Variants in SNX5 observed in about 807,000 individuals in gnomAD.
The protein encoded by SNX5 is sorting nexin-5.
SNX5 carries 31 observed loss-of-function variants against 53.9 expected under a neutral mutation model. That is an observed-to-expected ratio of 0.58 (90% CI 0.43 to 0.78). The LOEUF (loss-of-function observed/expected upper bound fraction) is 0.78, where lower values mean the gene tolerates loss of function less well. Among genes scored for constraint, SNX5 ranks in the 30% least tolerant of loss-of-function variants. The probability of loss-of-function intolerance (pLI) is 0.00; values close to 1 mark genes in which losing one functional copy is unlikely to be tolerated. For missense variants in SNX5, 471 were observed against 478.8 expected (o/e 0.98, Z 0.15); for synonymous variants, 168 against 171.1 (o/e 0.98, Z 0.14).
At chr20:17,960,306 CAAA>C (rs1164369041) in intron 1 of SNX5, among the ~76,000 whole-genome samples, 1 of 151,834 alleles carries the variant, frequency 6.6e-6, no homozygotes, top group Non-Finnish European at 1.5e-5. Context: ...ACTAAAAATA[CAAA>C]AAGTGGCCAG....
At chr20:17,952,427 A>T (rs2039583281) in intron 5 of SNX5, among the ~76,000 whole-genome samples, 160 bp downstream of exon 5, 1 of 152,220 alleles carries the variant, frequency 6.6e-6, no homozygotes, top group Admixed American at 6.5e-5. Context: ...CTTTAAGCAG[A>T]GTTTTACAAA....
At chr20:17,954,579 G>A (rs1292759368) in intron 3 of SNX5, among the ~76,000 whole-genome samples, 1 of 152,168 alleles carries the variant, frequency 6.6e-6, no homozygotes, top group African/African-American at 2.4e-5. Context: ...TAATGATTAA[G>A]CAATCATCAT....
At chr20:17,960,111 G>A (rs16978638) in intron 1 of SNX5, among the ~76,000 whole-genome samples, 4,418 of 152,194 alleles carry the variant, frequency 0.029, 209 homozygotes, top group African/African-American at 0.1. Flanking sequence ...GATCCCTTAG[G>A]TCACTTGTAA....
At position 17,948,941 on chromosome 20, in the gene SNX5, C is replaced by T. The variant is rs115502408; in HGVS notation, c.867G>A (p.Leu289=). The change falls in exon 10 of 13, where the codon TTG becomes TTA. Residue 289 remains leucine, a synonymous_variant. Transcript: ENST00000377759. The stretch of plus-strand genomic sequence containing the variant: ...AGTATCGGAGGAGCTCTGTTAGCTT[C>T]AAATCTTCATCTGATGAAACTCGAC... ...VEGRVSSDED[L]KLTELLRYYM... The T allele has an allele frequency of 7.9e-4, 1,276 of 1,612,398 alleles. 3 individuals carry two copies. The highest frequency in any genetic ancestry group is 8.0e-4 in the Non-Finnish European group (940 of 1,179,876).
intron 1 of SNX5, chr20:17,962,916 A>G: frequency 1.9e-6 from 1 of 518,716 alleles, no homozygotes. Context: ...CAGCGCACTC[A>G]GCGAATGGAT....
At chr20:17,953,943 G>A in intron 4 of SNX5, 53 bp downstream of exon 4, 3 of 1,459,274 alleles carry the variant, frequency 2.1e-6, no homozygotes, top group Non-Finnish European at 1.9e-6. Flanking sequence ...TTTGTACACA[G>A]CACCACTTTT....
intron 6 of SNX5, among the ~76,000 whole-genome samples, chr20:17,950,754 T>A (rs2039555433): frequency 2.0e-5 from 3 of 152,224 alleles, no homozygotes; most frequent in South Asian, 4.1e-4. Context: ...TCGATTGGTT[T>A]CAGACTGGGA....
Position 17,941,633 on chromosome 20 carries a change from A to T in SNX5, c.*724T>A, listed in dbSNP as rs1399312343. On this transcript the variant is annotated 3_prime_UTR_variant, in exon 13 of 13. Transcript: ENST00000377759. The stretch of plus-strand genomic sequence containing the variant: ...ACGATTATTTTATTATATGCTTTAT[A>T]AAAAAACAAACACCCAAAGACATAC... 6.6e-6 allele frequency: 1 copy of T among 151,894 alleles called. No homozygotes were observed. The highest frequency in any genetic ancestry group is 2.4e-5 in the African/African-American group (1 of 41,210). 9.4% of individuals were successfully genotyped at this position (151,894 alleles called of 1,614,324 possible).
chr20:17,949,069 G>C lies in SNX5; in HGVS notation c.826C>G (p.Leu276Val). 6.2e-7 allele frequency: 1 copy of C among 1,613,200 alleles called. No homozygotes were observed. The highest frequency in any genetic ancestry group is 8.5e-7 in the Non-Finnish European group (1 of 1,179,682). Residue 276 changes from leucine (L) to valine (V), a missense_variant, in exon 9 of 13, where the codon CTA (leucine) becomes GTA (valine). Leu to Val is a conservative substitution (Grantham distance 32). Coordinates refer to ENST00000377759, the MANE Select transcript of SNX5 (RefSeq NM_014426.4). ...ACCAACACAGAAATCCTTACCCTTA[G>C]TTTTTCAAATAGCTCAGCAACCTTC... ...LLKVAELFEK[L>V]RKVEGRVSSD...
At chr20:17,968,101 T>C (rs2035588789) in intron 1 of SNX5, 1 of 398,630 alleles carries the variant, frequency 2.5e-6, no homozygotes, top group African/African-American at 2.1e-5. Flanking sequence ...CCAGAGATCA[T>C]CTCTCCAAGT....
chr20:17,955,257 A>C (rs1279221179), intron 3 of SNX5, 108 bp downstream of exon 3: 1 of 731,062 alleles, frequency 1.4e-6, no homozygotes, highest in Non-Finnish European at 2.3e-6. Context: ...TAGGTAGATG[A>C]AATCTAACTT....
At chr20:17,961,212 GC>G in intron 1 of SNX5, 9 of 985,376 alleles carry the variant, frequency 9.1e-6, no homozygotes, top group Non-Finnish European at 1.1e-5. Context: ...TTGAGCTCCT[GC>G]CCACCAGTCT....
chr20:17,944,555 T>G (rs971272742), intron 11 of SNX5: 6 of 152,110 alleles, frequency 3.9e-5, no homozygotes, highest in African/African-American at 1.4e-4. Context: ...CTTTTTCTTT[T>G]TTTTTCTTGA....
intron 1 of SNX5, chr20:17,961,074 T>C: frequency 1.1e-6 from 1 of 933,916 alleles, no homozygotes; most frequent in South Asian, 4.9e-5. Flanking sequence ...GTGCTTTTGG[T>C]AAGAGAGCCA....
At chr20:17,942,895 T>TAAAAAAAA (rs11334169) in intron 12 of SNX5, 1 of 330,780 alleles carries the variant, frequency 3.0e-6, no homozygotes. Flanking sequence ...CCATCTCTAT[T>TAAAAAAAA]AAAAAAAAAA....
intron 3 of SNX5, 134 bp downstream of exon 3, chr20:17,955,227 ACAGT>A (rs935828238): frequency 3.7e-5 from 23 of 622,854 alleles, no homozygotes; most frequent in African/African-American, 2.2e-4. Context: ...TTTCCACTTG[ACAGT>A]CAGCAAATAC....
intron 6 of SNX5, 42 bp downstream of exon 6, chr20:17,951,458 G>A (rs180847305): frequency 1.3e-5 from 16 of 1,211,848 alleles, no homozygotes; most frequent in Admixed American, 6.9e-5. Flanking sequence ...ACCTATTCCC[G>A]ATGAAGTAAA....
intron 11 of SNX5, chr20:17,945,239 GTACCAGGGCTCCA>G (rs1195236522): frequency 6.6e-6 from 1 of 152,230 alleles, no homozygotes; most frequent in Non-Finnish European, 1.5e-5. Context: ...CCTACACACA[GTACCAGGGCTCCA>G]TACACTTAAC....
rs764069035 is a variant in SNX5 at position 17,952,620 on chromosome 20, G to A, written c.480C>T (p.Arg160=). The A allele has an allele frequency of 1.9e-6, 3 of 1,613,946 alleles. No individual in the cohort carries two copies. In the East Asian group the frequency reaches 6.7e-5, roughly 36 times the overall value. ...LSSHPVLSKD[R]NFHVFLEYDQ... The stretch of plus-strand genomic sequence containing the variant: ...CATATTCCAGGAAAACATGAAAGTT[G>A]CGATCTTTACTGAGAACAGGGTGAG... Residue 160 remains arginine (R), a synonymous_variant, in exon 5 of 13, where the codon CGC becomes CGT. Coordinates refer to ENST00000377759, the MANE Select transcript of SNX5 (RefSeq NM_014426.4).
Sources: allele counts gnomAD v4.1 joint callset (sites outside exome capture counted in the v4.1 genomes callset), GRCh38; gene constraint gnomAD v4.1.1; transcripts MANE v1.5; gene names NCBI Gene and HGNC (gene_info 2026-07-23, HGNC 2026-07-21).